Variants in TSPAN13 observed in about 807,000 individuals in gnomAD.
TSPAN13 encodes the protein tetraspanin-13.
A neutral mutation model predicts 26.9 loss-of-function variants in TSPAN13; 18 were observed. The ratio of observed to expected loss-of-function variants is 0.67; its 90% CI spans 0.46 to 0.99. The LOEUF is 0.99. Among genes scored for constraint, TSPAN13 ranks in the 50% least tolerant of loss-of-function variants. TSPAN13 has a pLI of 0.00. For synonymous variants in TSPAN13, 116 were observed against 98.4 expected, an observed-to-expected ratio of 1.18 and a Z score of -1.06; for missense variants, 201 against 249.6, an observed-to-expected ratio of 0.81 and a Z score of 1.31.
chr7:16,765,692 A>G (rs911439876), intron 1 of TSPAN13, among the ~76,000 whole-genome samples: 1 of 152,236 alleles, frequency 6.6e-6, no homozygotes, highest in Non-Finnish European at 1.5e-5. Context: ...TACTGCTTAT[A>G]AAAACATTAC....
In TSPAN13 at chr7:16,753,768, G is replaced by A. The variant is rs573941782; in HGVS notation, c.-200G>A. ...CGGGCTCCTGCTCCGGCTCAGCTGC[G>A]GCGGCCGCAGGTTCCAAAGCGGGTC... is the stretch of plus-strand genomic sequence containing the variant. On this transcript the variant is annotated 5_prime_UTR_variant, in exon 1 of 6. Transcript: ENST00000262067. The A allele has an allele frequency of 6.6e-6, 3 of 455,438 alleles. No homozygotes were observed. Among genetic ancestry groups the A allele is most frequent in the Non-Finnish European group, 1.1e-5 (3 of 262,568 alleles). 28.2% of individuals were successfully genotyped at this position (455,438 alleles called of 1,614,324 possible). A position where few individuals can be genotyped will look rare whatever the true frequency, so the allele number is the denominator to read the frequency against.
intron 1 of TSPAN13, among the ~76,000 whole-genome samples, chr7:16,763,421 A>G (rs563340027): frequency 6.6e-6 from 1 of 152,286 alleles, no homozygotes; most frequent in East Asian, 1.9e-4. Context: ...GTTGGCTCAT[A>G]TAAGTGGGAC....
At position 16,753,816 on chromosome 7, in the gene TSPAN13, C is replaced by A; in HGVS notation, c.-152C>A. 2 of 691,682 alleles carry A rather than the reference C, an allele frequency of 2.9e-6. No homozygotes were observed. The highest frequency in any genetic ancestry group is 4.6e-6 in the Non-Finnish European group (2 of 437,550). 42.8% of individuals were successfully genotyped at this position (691,682 alleles called of 1,614,324 possible). A position where few individuals can be genotyped will look rare whatever the true frequency, so the allele number is the denominator to read the frequency against. ...GTCCGAGCCGCCGCCGCGCGCGCGC[C>A]GCGCACTGCAGCCCCAGGCCCCGGC... On this transcript the variant is annotated 5_prime_UTR_variant, in exon 1 of 6. Coordinates refer to ENST00000262067, the MANE Select transcript of TSPAN13 (RefSeq NM_014399.4).
chr7:16,759,277 C>G (rs1414393100), intron 1 of TSPAN13, among the ~76,000 whole-genome samples: 1 of 152,162 alleles, frequency 6.6e-6, no homozygotes, highest in Non-Finnish European at 1.5e-5. Context: ...GCTCATGGTT[C>G]TGCAGGAAGC....
At chr7:16,776,433 A>G in intron 2 of TSPAN13, 55 bp downstream of exon 2, 1 of 1,536,492 alleles carries the variant, frequency 6.5e-7, no homozygotes, top group Non-Finnish European at 8.9e-7. Flanking sequence ...GATGGTTACA[A>G]CTAATTTAAT....
intron 1 of TSPAN13, among the ~76,000 whole-genome samples, chr7:16,774,023 A>T (rs1045602272): frequency 1.3e-5 from 2 of 152,214 alleles, no homozygotes; most frequent in African/African-American, 4.8e-5. Context: ...TGTAGATGTG[A>T]CTAACATTTA....
At chr7:16,776,763 T>C (rs1446834332) in intron 2 of TSPAN13, among the ~76,000 whole-genome samples, 2 of 152,242 alleles carry the variant, frequency 1.3e-5, no homozygotes. Context: ...TACCTATGTC[T>C]GTTTTGTAAA....
intron 5 of TSPAN13, 39 bp downstream of exon 5, chr7:16,779,155 G>C (rs1583796034): frequency 6.7e-7 from 1 of 1,500,530 alleles, no homozygotes; most frequent in East Asian, 2.3e-5. Context: ...CTTTGTCACA[G>C]AGATTCCTGT....
At chr7:16,763,043 C>G (rs918340616) in intron 1 of TSPAN13, among the ~76,000 whole-genome samples, 20 of 152,154 alleles carry the variant, frequency 1.3e-4, no homozygotes, top group African/African-American at 4.8e-4. Context: ...AAACCCCCCA[C>G]CTAGTCTGCA....
rs147228141 is a variant in TSPAN13 at position 16,770,901 on chromosome 7, C to G, written c.64-5310C>G. 2.0e-5 allele frequency among the ~76,000 whole-genome samples: 3 copies of G among 152,310 alleles called. No individual in the cohort carries two copies. The East Asian group carries it at 5.8e-4, about 29-fold the overall frequency. ...ATGATAGGCTCTTGTTTGATAGGCT[C>G]GTGTTTCTCTTTCTTGAAAACTTTT... On this transcript the variant is annotated intron_variant, in intron 1 of 5. Transcript: ENST00000262067.
chr7:16,776,308 T>C lies in TSPAN13; in HGVS notation c.161T>C (p.Ile54Thr), dbSNP rs781134621. 1 of 1,614,194 alleles carries C rather than the reference T, an allele frequency of 6.2e-7. No individual in the cohort carries two copies. Residue 54 changes from isoleucine to threonine, a missense_variant, in exon 2 of 6, where the codon ATC (isoleucine) becomes ACC (threonine). Coordinates refer to ENST00000262067, the MANE Select transcript of TSPAN13 (RefSeq NM_014399.4). ...RVVGVVIAVGIFLFLIALVGL... is the reference protein window; with the variant it reads ...RVVGVVIAVGTFLFLIALVGL... ...GTCGGCGTGGTCATTGCAGTGGGCATCTTCTTGTTCCTGATTGCTTTAGTG... is the reference window on the plus strand; with the variant it reads ...GTCGGCGTGGTCATTGCAGTGGGCACCTTCTTGTTCCTGATTGCTTTAGTG...
At chr7:16,780,764 C>G (rs1784805466) in intron 5 of TSPAN13, among the ~76,000 whole-genome samples, 1 of 152,180 alleles carries the variant, frequency 6.6e-6, no homozygotes, top group South Asian at 2.1e-4. Context: ...TCAGATCACA[C>G]TGCCTTCAGT....
chr7:16,782,840 C>G (rs1784828201), intron 5 of TSPAN13, among the ~76,000 whole-genome samples: 1 of 152,204 alleles, frequency 6.6e-6, no homozygotes, highest in Non-Finnish European at 1.5e-5. Context: ...TTACCACACA[C>G]ATAGTTGCTT....
intron 1 of TSPAN13, among the ~76,000 whole-genome samples, chr7:16,765,912 C>G (rs561343186): frequency 5.8e-4 from 89 of 152,332 alleles, no homozygotes; most frequent in African/African-American, 1.9e-3. Context: ...TTAGAGTTAA[C>G]TGTTTGAATC....
chr7:16,776,152 T>A (rs1784740644), intron 1 of TSPAN13, 59 bp from the exon 2 acceptor site: 1 of 1,548,020 alleles, frequency 6.5e-7, no homozygotes, highest in Admixed American at 1.9e-5. Flanking sequence ...AACTGGCATT[T>A]TCCCCATTCT....
Position 16,753,821 on chromosome 7 carries a change from A to T in TSPAN13, c.-147A>T, listed in dbSNP as rs1174418250. On this transcript the variant is annotated 5_prime_UTR_variant, in exon 1 of 6. Coordinates refer to ENST00000262067, the MANE Select transcript of TSPAN13 (RefSeq NM_014399.4). ...AGCCGCCGCCGCGCGCGCGCCGCGC[A>T]CTGCAGCCCCAGGCCCCGGCCCCCC... The T allele has an allele frequency of 8.1e-6, 6 of 743,082 alleles. No homozygotes were observed. Among genetic ancestry groups the T allele is most frequent in the Admixed American group, 3.2e-5 (1 of 31,428 alleles). The allele number at this position is 743,082 out of a possible 1,614,324, so 46.0% of individuals were successfully genotyped here.
At position 16,779,004 on chromosome 7, in the gene TSPAN13, G is replaced by C; in HGVS notation, c.428G>C (p.Ser143Thr). 1.9e-6 allele frequency: 3 copies of C among 1,607,118 alleles called. No homozygotes were observed. The South Asian group carries it at 3.3e-5, about 18-fold the overall frequency. Residue 143 changes from serine (S) to threonine (T), a missense_variant and splice_region_variant, in exon 5 of 6, where the codon AGC (serine) becomes ACC (threonine). Ser to Thr is a moderately conservative substitution (Grantham distance 58). Coordinates refer to ENST00000262067, the MANE Select transcript of TSPAN13 (RefSeq NM_014399.4). ...GTTTTTTTACTTTAATTGGTGCAGA[G>C]CTGTGTTAAAAGTGACCACTCGTGC... is the stretch of plus-strand genomic sequence containing the variant. ...SVNPNDTCLASCVKSDHSCSP... is the reference protein window; with the variant it reads ...SVNPNDTCLATCVKSDHSCSP...
chr7:16,775,163 T>C (rs1784727349), intron 1 of TSPAN13, among the ~76,000 whole-genome samples: 1 of 152,248 alleles, frequency 6.6e-6, no homozygotes, highest in Non-Finnish European at 1.5e-5. Flanking sequence ...TGACTCATGA[T>C]TGAAGATACT....
chr7:16,754,138 C>A, intron 1 of TSPAN13, 108 bp downstream of exon 1: 1 of 1,059,204 alleles, frequency 9.4e-7, no homozygotes, highest in Non-Finnish European at 1.3e-6. Context: ...CCCGCGCCCC[C>A]TTCCCGGCTT....
Sources: allele counts gnomAD v4.1 joint callset (sites outside exome capture counted in the v4.1 genomes callset), GRCh38; gene constraint gnomAD v4.1.1; transcripts MANE v1.5; gene names NCBI Gene and HGNC (gene_info 2026-07-23, HGNC 2026-07-21).